The following LRRC8C variants were observed in gnomAD, a reference collection of about 807,000 sequenced individuals.
LRRC8C encodes the protein leucine rich repeat containing 8 VRAC subunit C, also known as volume-regulated anion channel subunit LRRC8C.
Under a neutral mutation model 55.3 loss-of-function variants are expected in LRRC8C, and 20 were observed. The ratio of observed to expected loss-of-function variants is 0.36; its 90% CI spans 0.25 to 0.53. The LOEUF is 0.53. Ranked by LOEUF, LRRC8C falls within the 20% of genes least tolerant of loss-of-function variation. The pLI, the probability that LRRC8C is intolerant of heterozygous loss-of-function variation, is 0.92. For synonymous variants in LRRC8C, 376 were observed against 360.7 expected (o/e 1.04, Z -0.48); for missense variants, 659 against 951.4 (o/e 0.69, Z 4.04).
In LRRC8C at chr1:89,668,258, A is replaced by G. The variant is rs568199676; in HGVS notation, c.-4-18212A>G. The G allele has an allele frequency of 2.0e-5, 3 of 152,690 alleles. No homozygotes were observed. In the South Asian group the frequency reaches 6.2e-4, roughly 32 times the overall value. 9.5% of individuals were successfully genotyped at this position (152,690 alleles called of 1,614,324 possible). ...CCCTAAAGGAGATTGGAACAGTGCA[A>G]TATTTGGGGACTGCATTCTCCACCC... On this transcript the variant is annotated intron_variant, in intron 1 of 2. Transcript: ENST00000370454.
chr1:89,626,039 A>G, the LRRC8C span, among the ~76,000 whole-genome samples: 3,440 of 152,356 alleles, frequency 0.023, 65 homozygotes, highest in South Asian at 0.064. Context: ...TCTTTAGAAT[A>G]ACTCACTTCA....
At chr1:89,662,621 T>C (rs896175161) in intron 1 of LRRC8C, among the ~76,000 whole-genome samples, 1 of 152,146 alleles carries the variant, frequency 6.6e-6, no homozygotes, top group African/African-American at 2.4e-5. Context: ...AATCTGAATA[T>C]ATTTTTGTAG....
chr1:89,621,702 T>G, the LRRC8C span, among the ~76,000 whole-genome samples: 1 of 152,170 alleles, frequency 6.6e-6, no homozygotes, highest in Admixed American at 6.5e-5. Flanking sequence ...CATCTCCAGG[T>G]AGAGAATTAG....
At chr1:89,689,599 G>A (rs971339899) in intron 2 of LRRC8C, among the ~76,000 whole-genome samples, 2 of 152,102 alleles carry the variant, frequency 1.3e-5, no homozygotes, top group African/African-American at 4.8e-5. Flanking sequence ...TATTTTGAAG[G>A]AAAACCCACC....
At chr1:89,700,148 G>A (rs1269099064) in intron 2 of LRRC8C, among the ~76,000 whole-genome samples, 1 of 152,124 alleles carries the variant, frequency 6.6e-6, no homozygotes, top group Non-Finnish European at 1.5e-5. Context: ...GAAAAGAAGA[G>A]TGACACTCCA....
At chr1:89,631,217 C>T (rs1209102752), upstream of LRRC8C, among the ~76,000 whole-genome samples, 4 of 152,126 alleles carry the variant, frequency 2.6e-5, no homozygotes, top group Non-Finnish European at 5.9e-5. Context: ...CCCTGTAGTA[C>T]TATACCTATA....
At chr1:89,690,620 T>C (rs1487347387) in intron 2 of LRRC8C, among the ~76,000 whole-genome samples, 1 of 151,996 alleles carries the variant, frequency 6.6e-6, no homozygotes, top group African/African-American at 2.4e-5. Flanking sequence ...AAAATAAGAG[T>C]GTACCTATGA....
intron 1 of LRRC8C, among the ~76,000 whole-genome samples, chr1:89,667,020 G>C (rs1657284888): frequency 6.6e-6 from 1 of 152,040 alleles, no homozygotes; most frequent in African/African-American, 2.4e-5. Context: ...TGGTGAGTTG[G>C]TATTAATATT....
chr1:89,714,556 G>A lies in LRRC8C; in HGVS notation c.1986G>A (p.Leu662=). ...AGCATATAAAGAAACTCACCAGCCT[G>A]GAACGCCTGTCCTTTAGTCACAATA... ...IPEHIKKLTS[L]ERLSFSHNKI... is the part of the protein sequence containing the mutation. Residue 662 remains leucine (L), a synonymous_variant, in exon 3 of 3, where the codon CTG becomes CTA. Coordinates refer to ENST00000370454, the MANE Select transcript of LRRC8C (RefSeq NM_032270.5). The surrounding 1 kb of genome is among the most constrained non-coding windows in gnomAD (Gnocchi z 4.6). The A allele has an allele frequency of 6.2e-7, 1 of 1,614,164 alleles. No individual in the cohort carries two copies. The highest frequency in any genetic ancestry group is 8.5e-7 in the Non-Finnish European group (1 of 1,180,018).
upstream of LRRC8C, among the ~76,000 whole-genome samples, chr1:89,628,715 G>A (rs982427009): frequency 6.6e-6 from 1 of 152,244 alleles, no homozygotes; most frequent in Non-Finnish European, 1.5e-5. Flanking sequence ...TCCCAGGTAT[G>A]GGGTAGGACC....
At chr1:89,655,892 C>A (rs1656929452) in intron 1 of LRRC8C, among the ~76,000 whole-genome samples, 1 of 152,222 alleles carries the variant, frequency 6.6e-6, no homozygotes, top group Non-Finnish European at 1.5e-5. Flanking sequence ...GACACAACTC[C>A]AAGTTGAGTT....
intron 1 of LRRC8C, among the ~76,000 whole-genome samples, chr1:89,680,330 G>A (rs886664489): frequency 4.6e-5 from 7 of 151,980 alleles, no homozygotes; most frequent in Non-Finnish European, 8.8e-5. Context: ...GCCCACCTCG[G>A]CCTCCCAAAG....
chr1:89,685,158 C>T (rs1300198147), intron 1 of LRRC8C, among the ~76,000 whole-genome samples: 2 of 139,092 alleles, frequency 1.4e-5, no homozygotes, highest in Non-Finnish European at 3.0e-5. Flanking sequence ...GCCCAGCAGG[C>T]CGGACTGCGG....
At chr1:89,683,124 CTGA>C (rs990508913) in intron 1 of LRRC8C, among the ~76,000 whole-genome samples, 1 of 152,134 alleles carries the variant, frequency 6.6e-6, no homozygotes, top group African/African-American at 2.4e-5. Flanking sequence ...AAACATTTTT[CTGA>C]TGATAGCAGT....
At chr1:89,679,702 A>C (rs1474160162) in intron 1 of LRRC8C, among the ~76,000 whole-genome samples, 1 of 152,222 alleles carries the variant, frequency 6.6e-6, no homozygotes, top group Non-Finnish European at 1.5e-5. Flanking sequence ...CGTTTTGATC[A>C]GGGCCATTCA....
chr1:89,664,080 C>T (rs1032199284), intron 1 of LRRC8C, among the ~76,000 whole-genome samples: 5 of 152,146 alleles, frequency 3.3e-5, no homozygotes, highest in Non-Finnish European at 7.4e-5. Context: ...GTTGCCTGTT[C>T]ACCCTGATAA....
intron 1 of LRRC8C, among the ~76,000 whole-genome samples, chr1:89,638,060 T>A (rs1352275053): frequency 1.3e-5 from 2 of 151,962 alleles, no homozygotes; most frequent in East Asian, 1.9e-4. Flanking sequence ...TTAAGAAAAA[T>A]GTTAAAGCTT....
intron 1 of LRRC8C, among the ~76,000 whole-genome samples, chr1:89,656,519 T>C (rs1656948530): frequency 6.6e-6 from 1 of 152,202 alleles, no homozygotes; most frequent in Non-Finnish European, 1.5e-5. Flanking sequence ...AATGCACATT[T>C]GAGACCTCTG....
At chr1:89,639,525 C>G (rs375640771) in intron 1 of LRRC8C, among the ~76,000 whole-genome samples, 3 of 152,268 alleles carry the variant, frequency 2.0e-5, no homozygotes, top group East Asian at 3.9e-4. Context: ...CCCTTCCCCC[C>G]CAACAACTCA....
Sources: allele counts gnomAD v4.1 joint callset (sites outside exome capture counted in the v4.1 genomes callset), GRCh38; gene constraint gnomAD v4.1.1; non-coding constraint Gnocchi (gnomAD v3.1); transcripts MANE v1.5; gene names NCBI Gene and HGNC (gene_info 2026-07-23, HGNC 2026-07-21).